Variants in GPC5 observed in about 807,000 individuals in gnomAD.
GPC5 encodes the protein glypican 5, also known as glypican-5.
A neutral mutation model predicts 53.9 loss-of-function variants in GPC5; 47 were observed. That is an observed-to-expected ratio of 0.87 (90% confidence interval 0.69 to 1.11). The LOEUF (loss-of-function observed/expected upper bound fraction) is 1.11. GPC5 is among the 50% of genes most tolerant of loss of function. The probability of loss-of-function intolerance (pLI) is 0.00; values close to 1 mark genes in which losing one functional copy is unlikely to be tolerated. For missense variants in GPC5, 748 were observed against 713.1 expected, an observed-to-expected ratio of 1.05 and a Z score of -0.56; for synonymous variants, 286 against 263.3, an observed-to-expected ratio of 1.09 and a Z score of -0.84.
At chr13:92,470,884 A>G (rs1010983109) in intron 7 of GPC5, among the ~76,000 whole-genome samples, 7 of 152,150 alleles carry the variant, frequency 4.6e-5, no homozygotes, top group African/African-American at 1.7e-4. Flanking sequence ...AGTTTTCATC[A>G]GCTATTATAG....
At chr13:92,276,907 T>C in intron 7 of GPC5, among the ~76,000 whole-genome samples, 1 of 152,038 alleles carries the variant, frequency 6.6e-6, no homozygotes, top group Non-Finnish European at 1.5e-5. Context: ...GCAAGTAGAA[T>C]TTTACTCATC....
intron 1 of GPC5, among the ~76,000 whole-genome samples, chr13:91,436,179 T>C (rs1879932044): frequency 6.6e-6 from 1 of 152,182 alleles, no homozygotes; most frequent in South Asian, 2.1e-4. Context: ...TTTGTGTCTC[T>C]ATTTCCTTCA....
chr13:91,417,770 C>A (rs1878337531), intron 1 of GPC5, among the ~76,000 whole-genome samples: 1 of 152,140 alleles, frequency 6.6e-6, no homozygotes, highest in Admixed American at 6.6e-5. Flanking sequence ...TTCAGGTAGT[C>A]TTTGTAGTAG....
At chr13:92,467,131 G>A (rs1456384874) in intron 7 of GPC5, among the ~76,000 whole-genome samples, 1 of 152,056 alleles carries the variant, frequency 6.6e-6, no homozygotes, top group Non-Finnish European at 1.5e-5. Context: ...TTTCTCAAAT[G>A]GCTTTTGAAG....
At chr13:92,745,327 C>T (rs561752601) in intron 7 of GPC5, among the ~76,000 whole-genome samples, 1 of 152,090 alleles carries the variant, frequency 6.6e-6, no homozygotes, top group African/African-American at 2.4e-5. Context: ...TTCCAACACA[C>T]TGGGTGCATT....
chr13:91,422,664 T>G (rs1878724628), intron 1 of GPC5, among the ~76,000 whole-genome samples: 1 of 151,832 alleles, frequency 6.6e-6, no homozygotes, highest in African/African-American at 2.4e-5. Context: ...AACCATTTCT[T>G]ACAGTGCTGG....
chr13:91,849,903 T>C (rs1452253342), intron 5 of GPC5, among the ~76,000 whole-genome samples: 1 of 151,906 alleles, frequency 6.6e-6, no homozygotes, highest in African/African-American at 2.4e-5. Flanking sequence ...ATTCATACCT[T>C]CAGTGTAAAG....
chr13:92,486,996 T>G (rs1879579719), intron 7 of GPC5, among the ~76,000 whole-genome samples: 1 of 152,060 alleles, frequency 6.6e-6, no homozygotes, highest in Non-Finnish European at 1.5e-5. Context: ...GCTGGGATTA[T>G]AGCCGCCCAC....
chr13:92,544,712 C>G (rs1882044271), intron 7 of GPC5, among the ~76,000 whole-genome samples: 1 of 151,658 alleles, frequency 6.6e-6, no homozygotes, highest in Non-Finnish European at 1.5e-5. Flanking sequence ...TTTATTTCTT[C>G]TTTTTTTGGT....
At chr13:91,934,616 T>C (rs972523460) in intron 6 of GPC5, among the ~76,000 whole-genome samples, 1 of 151,926 alleles carries the variant, frequency 6.6e-6, no homozygotes, top group African/African-American at 2.4e-5. Flanking sequence ...GAATTTACAC[T>C]GACTCCTGGA....
chr13:92,243,265 A>T (rs2042626813), intron 7 of GPC5, among the ~76,000 whole-genome samples: 3 of 152,224 alleles, frequency 2.0e-5, no homozygotes, highest in African/African-American at 7.2e-5. Context: ...TTCTGTTTGG[A>T]TCACTTTATG....
chr13:91,590,980 G>A (rs139823623), intron 2 of GPC5, among the ~76,000 whole-genome samples: 35 of 152,194 alleles, frequency 2.3e-4, no homozygotes, highest in African/African-American at 8.2e-4. Context: ...CTGTGCCTTT[G>A]TTTTCTCATC....
rs572775931 is a variant in GPC5, at chr13:91,594,799, C to T, written c.326-98388C>T. ...GCTTGAGCAATCCTCTCACCTCAGC[C>T]TCTCAAGAAGCTGGGACTAGAGGGC... On this transcript the variant is annotated intron_variant, in intron 2 of 7. Coordinates refer to ENST00000377067, the MANE Select transcript of GPC5 (RefSeq NM_004466.6). Among the ~76,000 whole-genome samples the T allele has an allele frequency of 2.2e-3, 328 of 152,012 alleles. 3 individuals carry two copies. Among genetic ancestry groups the T allele is most frequent in the African/African-American group, 7.7e-3 (319 of 41,464 alleles).
At chr13:91,515,455 A>G (rs1218764224) in intron 2 of GPC5, among the ~76,000 whole-genome samples, 2 of 152,216 alleles carry the variant, frequency 1.3e-5, no homozygotes, top group Non-Finnish European at 1.5e-5. Flanking sequence ...GAATAACTGC[A>G]TGAATTAGGC....
At position 92,075,067 on chromosome 13, in the gene GPC5, T is replaced by A. The variant is rs537311423; in HGVS notation, c.1402-69763T>A. 3.3e-5 allele frequency among the ~76,000 whole-genome samples: 5 copies of A among 152,298 alleles called. No homozygotes were observed. The East Asian group carries it at 9.6e-4, about 29-fold the overall frequency. On this transcript the variant is annotated intron_variant, in intron 6 of 7. Transcript: ENST00000377067. ...TTTTGTGCATATGCCTGTTTTGAAA[T>A]TTTTTTCTTATTTGTATATCCACAG...
intron 7 of GPC5, among the ~76,000 whole-genome samples, chr13:92,562,691 G>A (rs764724849): frequency 6.6e-6 from 1 of 151,906 alleles, no homozygotes; most frequent in Admixed American, 6.6e-5. Flanking sequence ...CTAGATTCCA[G>A]TCCAAGAGAG....
chr13:92,318,037 A>G (rs960018806), intron 7 of GPC5, among the ~76,000 whole-genome samples: 3 of 152,182 alleles, frequency 2.0e-5, no homozygotes, highest in Admixed American at 6.5e-5. Flanking sequence ...TGAAAATCAT[A>G]TTCTTAAAAA....
At chr13:92,474,147 GTTT>G (rs3064719) in intron 7 of GPC5, among the ~76,000 whole-genome samples, 3,846 of 147,982 alleles carry the variant, frequency 0.026, 94 homozygotes, top group African/African-American at 0.062. Flanking sequence ...CCATTGATCT[GTTT>G]TTTTTTTTTT....
chr13:91,884,841 A>G (rs750156863), intron 5 of GPC5, among the ~76,000 whole-genome samples: 1 of 152,182 alleles, frequency 6.6e-6, no homozygotes, highest in Non-Finnish European at 1.5e-5. Flanking sequence ...AATAAAGGAT[A>G]TGGAAAGTTT....
Sources: allele counts gnomAD v4.1 joint callset (sites outside exome capture counted in the v4.1 genomes callset), GRCh38; gene constraint gnomAD v4.1.1; transcripts MANE v1.5; gene names NCBI Gene and HGNC (gene_info 2026-07-23, HGNC 2026-07-21).